The following RRP15 variants were observed in gnomAD, a reference collection of about 807,000 sequenced individuals.
The protein encoded by RRP15 is RRP15-like protein.
In RRP15, 18 loss-of-function variants were observed where a neutral mutation model predicts 27.1. The ratio of observed to expected loss-of-function variants is 0.66; its 90% CI spans 0.46 to 0.98. RRP15 has a LOEUF of 0.98. Ranked by LOEUF, RRP15 falls within the 50% of genes least tolerant of loss-of-function variation. The probability of loss-of-function intolerance (pLI) is 0.00; values close to 1 mark genes in which losing one functional copy is unlikely to be tolerated. For missense variants in RRP15, 359 were observed against 337.8 expected, an observed-to-expected ratio of 1.06 and a Z score of -0.49; for synonymous variants, 107 against 109.4, an observed-to-expected ratio of 0.98 and a Z score of 0.14.
chr1:218,286,248 A>C (rs1222744115), intron 1 of RRP15, among the ~76,000 whole-genome samples: 1 of 152,178 alleles, frequency 6.6e-6, no homozygotes, highest in Non-Finnish European at 1.5e-5. Context: ...ATAATATCCA[A>C]AATCCTTAGG....
rs540214157 is a variant in RRP15 at position 218,334,618 on chromosome 1, G to A, written c.*3527G>A. The A allele has an allele frequency of 1.4e-4, 21 of 152,296 alleles. No homozygotes were observed. Among genetic ancestry groups the A allele is most frequent in the African/African-American group, 5.1e-4 (21 of 41,572 alleles). The allele number at this position is 152,296 out of a possible 1,614,324, so 9.4% of individuals were successfully genotyped here. On this transcript the variant is annotated 3_prime_UTR_variant, in exon 5 of 5. Coordinates refer to ENST00000366932, the MANE Select transcript of RRP15 (RefSeq NM_016052.4). ...TTTTTATTTGGAAACATTTTTTCCA[G>A]TTGACCAAAGCAGAATTCATTCTGT...
chr1:218,299,106 G>A (rs10159007), intron 1 of RRP15, among the ~76,000 whole-genome samples: 5,022 of 152,120 alleles, frequency 0.033, 265 homozygotes, highest in African/African-American at 0.11. Context: ...CTATTTTCTG[G>A]TTTGCATAGT....
intron 1 of RRP15, among the ~76,000 whole-genome samples, chr1:218,298,316 A>G (rs897913605): frequency 6.6e-6 from 1 of 152,174 alleles, no homozygotes; most frequent in African/African-American, 2.4e-5. Context: ...ATCTCTGGTC[A>G]CCCTTTCCTC....
rs1312612017 is a variant in RRP15, at chr1:218,337,169, A to G, written c.*6078A>G. Reference sequence around the variant, plus strand: ...GTGCCTGTTATGTAGTAGCGTGTCAAGAGATGTTCTCTCTTATGCATTTGG... The same window carrying G: ...GTGCCTGTTATGTAGTAGCGTGTCAGGAGATGTTCTCTCTTATGCATTTGG... On this transcript the variant is annotated 3_prime_UTR_variant, in exon 5 of 5. Coordinates refer to ENST00000366932, the MANE Select transcript of RRP15 (RefSeq NM_016052.4). The G allele has an allele frequency of 6.6e-6, 1 of 152,232 alleles. No homozygotes were observed. The highest frequency in any genetic ancestry group is 1.5e-5 in the Non-Finnish European group (1 of 68,060). 9.4% of individuals were successfully genotyped at this position (152,232 alleles called of 1,614,324 possible). A position where few individuals can be genotyped will look rare whatever the true frequency, so the allele number is the denominator to read the frequency against.
At position 218,335,928 on chromosome 1, in the gene RRP15, A is replaced by C. The variant is rs1485362762; in HGVS notation, c.*4837A>C. ...TGTTAAGCCACTTAGTTAATAACAA[A>C]TAGCATTTGGTTTTTTAGCATTATT... On this transcript the variant is annotated 3_prime_UTR_variant, in exon 5 of 5. Coordinates refer to ENST00000366932, the MANE Select transcript of RRP15 (RefSeq NM_016052.4). The C allele has an allele frequency of 1.3e-5, 2 of 152,198 alleles. No individual in the cohort carries two copies. Among genetic ancestry groups the C allele is most frequent in the East Asian group, 3.8e-4 (2 of 5,200 alleles). The allele number at this position is 152,198 out of a possible 1,614,324, so 9.4% of individuals were successfully genotyped here. A position where few individuals can be genotyped will look rare whatever the true frequency, so the allele number is the denominator to read the frequency against.
chr1:218,290,532 A>G (rs1040154851), intron 1 of RRP15, among the ~76,000 whole-genome samples: 1 of 152,132 alleles, frequency 6.6e-6, no homozygotes, highest in Non-Finnish European at 1.5e-5. Flanking sequence ...CAGTGGTGCA[A>G]TCTTGGCTCA....
chr1:218,304,917 C>A, intron 2 of RRP15, 111 bp from the exon 3 acceptor site: 1 of 1,017,914 alleles, frequency 9.8e-7, no homozygotes, highest in African/African-American at 1.6e-5. Context: ...CCCTGACAAA[C>A]TAAGCCAGAA....
intron 1 of RRP15, among the ~76,000 whole-genome samples, chr1:218,288,465 G>T (rs534571657): frequency 6.6e-6 from 1 of 152,336 alleles, no homozygotes; most frequent in East Asian, 1.9e-4. Context: ...TCAGCTCAGA[G>T]AATTCTGACA....
At chr1:218,294,369 C>A (rs1229487155) in intron 1 of RRP15, among the ~76,000 whole-genome samples, 1 of 152,182 alleles carries the variant, frequency 6.6e-6, no homozygotes, top group African/African-American at 2.4e-5. Flanking sequence ...AGATACCAGT[C>A]CTAAATCCAG....
intron 1 of RRP15, among the ~76,000 whole-genome samples, chr1:218,295,631 C>A (rs2102494037): frequency 6.6e-6 from 1 of 152,282 alleles, no homozygotes; most frequent in East Asian, 1.9e-4. Context: ...GATAAATGTG[C>A]TTTTCATCAA....
chr1:218,304,521 T>TAA (rs1655865470), intron 2 of RRP15, among the ~76,000 whole-genome samples: 1 of 152,256 alleles, frequency 6.6e-6, no homozygotes, highest in South Asian at 2.1e-4. Flanking sequence ...GAAATGGATT[T>TAA]AAATGATTCT....
At chr1:218,291,227 C>G (rs1655632716) in intron 1 of RRP15, among the ~76,000 whole-genome samples, 3 of 151,826 alleles carry the variant, frequency 2.0e-5, no homozygotes, top group African/African-American at 7.3e-5. Context: ...CACTTAAAGT[C>G]AGGAATTTGA....
chr1:218,290,497 C>T lies in RRP15; in HGVS notation c.139+5042C>T, dbSNP rs988430609. Among the ~76,000 whole-genome samples the T allele has an allele frequency of 4.6e-5, 7 of 152,248 alleles. No individual in the cohort carries two copies. The South Asian group carries it at 1.2e-3, about 27-fold the overall frequency. On this transcript the variant is annotated intron_variant, in intron 1 of 4. Coordinates refer to ENST00000366932, the MANE Select transcript of RRP15 (RefSeq NM_016052.4). ...TTTTGTTTTCTGAAACAAGATCTGG[C>T]TCTATTACCCAGGCTGCTGGAGTGC...
chr1:218,303,865 A>G (rs115080850), intron 2 of RRP15, among the ~76,000 whole-genome samples: 48 of 152,352 alleles, frequency 3.2e-4, no homozygotes, highest in African/African-American at 1.1e-3. Flanking sequence ...TTTCCAATAT[A>G]TCAGCTACTT....
rs1185482815 is a variant in RRP15, at chr1:218,305,104, A to C, written c.482A>C (p.Asn161Thr). The change falls in exon 3 of 5, where the codon AAT becomes ACT. Residue 161 changes from asparagine to threonine, a missense_variant. By Grantham distance (65) the Asn-to-Thr change is moderately conservative (BLOSUM62 0). Transcript: ENST00000366932. ...DVVQDKETER[N>T]LQRIATRGVV... ...GTCCAAGACAAAGAGACAGAGAGAA[A>C]TCTTCAGAGAATTGCAACAAGGTAA... 6.2e-7 allele frequency: 1 copy of C among 1,613,500 alleles called. No homozygotes were observed. Among genetic ancestry groups the C allele is most frequent in the African/African-American group, 1.3e-5 (1 of 75,038 alleles).
intron 1 of RRP15, among the ~76,000 whole-genome samples, chr1:218,290,394 T>G (rs900358950): frequency 2.0e-5 from 3 of 152,174 alleles, no homozygotes; most frequent in Non-Finnish European, 4.4e-5. Flanking sequence ...GGTCAGAACA[T>G]TTTTGTCATT....
At position 218,332,443 on chromosome 1, in the gene RRP15, T is replaced by C. The variant is rs1392973724; in HGVS notation, c.*1352T>C. 6.6e-6 allele frequency: 1 copy of C among 152,186 alleles called. No homozygotes were observed. Among genetic ancestry groups the C allele is most frequent in the African/African-American group, 2.4e-5 (1 of 41,442 alleles). The allele number at this position is 152,186 out of a possible 1,614,324, so 9.4% of individuals were successfully genotyped here. A position where few individuals can be genotyped will look rare whatever the true frequency, so the allele number is the denominator to read the frequency against. On this transcript the variant is annotated 3_prime_UTR_variant, in exon 5 of 5. Coordinates refer to ENST00000366932, the MANE Select transcript of RRP15 (RefSeq NM_016052.4). ...AATTATTTTTAATAAATATGATCTG[T>C]CCCTTTTTGAAAAGGATCCATCCCT...
rs77457236 is a variant in RRP15, at chr1:218,319,986, A to G, written c.706-10962A>G. On this transcript the variant is annotated intron_variant, in intron 4 of 4. Coordinates refer to ENST00000366932, the MANE Select transcript of RRP15 (RefSeq NM_016052.4). ...AGAGCACTGTCAAAAGGCTCCCTGA[A>G]GTGTTACATTTGACTTTTCAGGTAC... is the stretch of plus-strand genomic sequence containing the variant. 7.4e-4 allele frequency among the ~76,000 whole-genome samples: 111 copies of G among 150,938 alleles called. 3 individuals are homozygous for G. In the East Asian group the frequency reaches 0.018, roughly 24 times the overall value.
At chr1:218,316,957 A>G (rs961551192) in intron 4 of RRP15, among the ~76,000 whole-genome samples, 3 of 152,262 alleles carry the variant, frequency 2.0e-5, no homozygotes, top group Non-Finnish European at 4.4e-5. Context: ...CTAGTAATGC[A>G]TAATTCTTAG....
Sources: allele counts gnomAD v4.1 joint callset (sites outside exome capture counted in the v4.1 genomes callset), GRCh38; gene constraint gnomAD v4.1.1; transcripts MANE v1.5; gene names NCBI Gene and HGNC (gene_info 2026-07-23, HGNC 2026-07-21).